Variants in TAFA1 observed in about 807,000 individuals in gnomAD.
TAFA1 encodes chemokine-like protein TAFA-1.
Under a neutral mutation model 18.5 loss-of-function variants are expected in TAFA1, and 4 were observed. The observed-to-expected ratio is 0.22, with a 90% CI of 0.11 to 0.49. TAFA1 has a LOEUF of 0.49. Ranked by LOEUF, TAFA1 falls within the 20% of genes least tolerant of loss-of-function variation. The pLI, the probability that TAFA1 is intolerant of heterozygous loss-of-function variation, is 0.98. For synonymous variants in TAFA1, 56 were observed against 55.2 expected, an observed-to-expected ratio of 1.01 and a Z score of -0.06; for missense variants, 147 against 169.0, an observed-to-expected ratio of 0.87 and a Z score of 0.72.
At chr3:68,419,180 A>G (rs909954158) in intron 3 of TAFA1, among the ~76,000 whole-genome samples, 1 of 152,018 alleles carries the variant, frequency 6.6e-6, no homozygotes, top group Non-Finnish European at 1.5e-5. Context: ...TCAGAAAGTT[A>G]CTCTTTTTTA....
chr3:68,052,854 A>G (rs1403175389), intron 2 of TAFA1, among the ~76,000 whole-genome samples: 1 of 152,212 alleles, frequency 6.6e-6, no homozygotes, highest in Non-Finnish European at 1.5e-5. Flanking sequence ...GTGACTTACT[A>G]ATTAATAAGG....
intron 2 of TAFA1, among the ~76,000 whole-genome samples, chr3:68,164,380 A>G (rs1191355316): frequency 6.6e-6 from 1 of 152,238 alleles, no homozygotes; most frequent in Non-Finnish European, 1.5e-5. Flanking sequence ...AACTTATGCT[A>G]TCACCTGAAA....
At chr3:68,525,784 G>T (rs73099592) in intron 3 of TAFA1, among the ~76,000 whole-genome samples, 31,221 of 151,888 alleles carry the variant, frequency 0.21, 4,067 homozygotes, top group East Asian at 0.43. Flanking sequence ...CAAACCTGAA[G>T]ATATCAGTCT....
chr3:68,532,353 CAGAA>C (rs2073200778), intron 3 of TAFA1, among the ~76,000 whole-genome samples: 1 of 152,074 alleles, frequency 6.6e-6, no homozygotes, highest in Non-Finnish European at 1.5e-5. Context: ...GGAGCACTCT[CAGAA>C]AGAATAAATG....
chr3:68,261,040 C>G (rs2067409270), intron 2 of TAFA1, among the ~76,000 whole-genome samples: 1 of 151,928 alleles, frequency 6.6e-6, no homozygotes, highest in East Asian at 1.9e-4. Flanking sequence ...GGGCTAATAT[C>G]CAGAATCTAC....
intron 2 of TAFA1, among the ~76,000 whole-genome samples, chr3:68,334,577 A>T (rs533164671): frequency 1.3e-5 from 2 of 152,170 alleles, no homozygotes; most frequent in African/African-American, 4.8e-5. Context: ...CCTCTGACTC[A>T]CTAGTTCTGA....
At chr3:68,213,207 G>C (rs2066616177) in intron 2 of TAFA1, among the ~76,000 whole-genome samples, 1 of 151,894 alleles carries the variant, frequency 6.6e-6, no homozygotes, top group South Asian at 2.1e-4. Flanking sequence ...TGAATTTATT[G>C]GATGACTACC....
At chr3:68,219,716 A>T (rs114413316) in intron 2 of TAFA1, among the ~76,000 whole-genome samples, 1,891 of 152,234 alleles carry the variant, frequency 0.012, 47 homozygotes, top group African/African-American at 0.044. Flanking sequence ...ATTAACTCAA[A>T]GTCAACTGAT....
At chr3:68,175,246 C>T (rs965817768) in intron 2 of TAFA1, among the ~76,000 whole-genome samples, 1 of 152,170 alleles carries the variant, frequency 6.6e-6, no homozygotes, top group Non-Finnish European at 1.5e-5. Context: ...AGGTTGGAGC[C>T]CCAACACAGA....
At chr3:68,148,593 T>C (rs945738141) in intron 2 of TAFA1, among the ~76,000 whole-genome samples, 1 of 152,212 alleles carries the variant, frequency 6.6e-6, no homozygotes, top group East Asian at 1.9e-4. Flanking sequence ...GCGTTTGGCC[T>C]GTGTCTGTGT....
chr3:68,378,257 T>G (rs1323842810), intron 2 of TAFA1, among the ~76,000 whole-genome samples: 1 of 152,160 alleles, frequency 6.6e-6, no homozygotes, highest in Non-Finnish European at 1.5e-5. Context: ...CATGGCTGTG[T>G]GAGCTCACAT....
chr3:68,161,613 A>G (rs1474000204), intron 2 of TAFA1, among the ~76,000 whole-genome samples: 1 of 152,258 alleles, frequency 6.6e-6, no homozygotes. Flanking sequence ...TCTTTAAGGT[A>G]GGCAGGATAG....
At chr3:68,543,214 CA>C (rs1227373978) in intron 4 of TAFA1, among the ~76,000 whole-genome samples, 1 of 151,784 alleles carries the variant, frequency 6.6e-6, no homozygotes, top group African/African-American at 2.4e-5. Flanking sequence ...CTTTCAAAGA[CA>C]AAATAAGTTA....
intron 2 of TAFA1, among the ~76,000 whole-genome samples, chr3:68,205,146 T>C (rs73095477): frequency 0.037 from 5,578 of 151,912 alleles, 149 homozygotes; most frequent in Non-Finnish European, 0.059. Flanking sequence ...TAATGTATTC[T>C]ATAAGACAAA....
chr3:68,119,216 A>G (rs2106854064), intron 2 of TAFA1, among the ~76,000 whole-genome samples: 1 of 152,196 alleles, frequency 6.6e-6, no homozygotes, highest in East Asian at 1.9e-4. Context: ...CTAATCTTTA[A>G]TCAAGCTGTT....
chr3:68,514,965 A>G (rs9819205), intron 3 of TAFA1, among the ~76,000 whole-genome samples: 1 of 152,102 alleles, frequency 6.6e-6, no homozygotes, highest in Non-Finnish European at 1.5e-5. Context: ...AGAATAAACA[A>G]GAGATGTAAT....
intron 2 of TAFA1, among the ~76,000 whole-genome samples, chr3:68,304,496 C>T (rs1454377137): frequency 6.6e-6 from 1 of 152,106 alleles, no homozygotes; most frequent in Non-Finnish European, 1.5e-5. Context: ...CTATGCCCAC[C>T]TCCCATCTTG....
In TAFA1 at chr3:68,112,542, A is replaced by G. The variant is rs1397127201; in HGVS notation, c.118+105798A>G. Among the ~76,000 whole-genome samples, 3 of 151,986 alleles carry G rather than the reference A, an allele frequency of 2.0e-5. No individual in the cohort carries two copies. In the East Asian group the frequency reaches 5.8e-4, roughly 29 times the overall value. On this transcript the variant is annotated intron_variant, in intron 2 of 4. Transcript: ENST00000478136. ...TATTATATTTAATGGTTAAATATTGACCCCCTCCCCATTCCCTTAGAGTCT... is the reference window on the plus strand; with the variant it reads ...TATTATATTTAATGGTTAAATATTGGCCCCCTCCCCATTCCCTTAGAGTCT...
At chr3:68,267,697 G>T (rs1364716986) in intron 2 of TAFA1, among the ~76,000 whole-genome samples, 2 of 151,896 alleles carry the variant, frequency 1.3e-5, no homozygotes. Context: ...ATATTTAAGG[G>T]AATGAAAAGA....
Sources: allele counts gnomAD v4.1 joint callset (sites outside exome capture counted in the v4.1 genomes callset), GRCh38; gene constraint gnomAD v4.1.1; transcripts MANE v1.5; gene names NCBI Gene and HGNC (gene_info 2026-07-23, HGNC 2026-07-21).